Variants in RABGAP1L observed in about 807,000 individuals in gnomAD.
RABGAP1L encodes the protein rab GTPase-activating protein 1-like.
RABGAP1L carries 63 observed loss-of-function variants against 137.7 expected under a neutral mutation model. The observed-to-expected ratio is 0.46, with a 90% confidence interval of 0.37 to 0.56. RABGAP1L has a LOEUF of 0.56. Among genes scored for constraint, RABGAP1L ranks in the 20% least tolerant of loss-of-function variants. The pLI is 0.00. For synonymous variants in RABGAP1L, 431 were observed against 433.7 expected (o/e 0.99, Z 0.08); for missense variants, 1,095 against 1,244.0 (o/e 0.88, Z 1.80).
chr1:174,443,247 T>C (rs2149236726), intron 13 of RABGAP1L, among the ~76,000 whole-genome samples: 1 of 152,226 alleles, frequency 6.6e-6, no homozygotes, highest in South Asian at 2.1e-4. Context: ...AGCAGTGGGA[T>C]TGCTGGATCA....
intron 1 of RABGAP1L, among the ~76,000 whole-genome samples, chr1:174,195,785 TTTTCTTTC>T (rs201234883): frequency 3.5e-5 from 4 of 112,828 alleles, no homozygotes; most frequent in African/African-American, 1.4e-4. Context: ...CCTTTCTTTC[TTTTCTTTC>T]TTTCTTTCTT....
chr1:174,532,217 T>G (rs1041553216), intron 13 of RABGAP1L, among the ~76,000 whole-genome samples: 4 of 150,166 alleles, frequency 2.7e-5, no homozygotes, highest in East Asian at 1.9e-4. Flanking sequence ...GTTTTTTTGT[T>G]TTTTTTTTTG....
chr1:174,903,136 C>A (rs1232561338), intron 19 of RABGAP1L, among the ~76,000 whole-genome samples: 19 of 152,122 alleles, frequency 1.2e-4, no homozygotes, highest in African/African-American at 4.3e-4. Flanking sequence ...GGCAACAGAC[C>A]AATTCTTGTT....
intron 13 of RABGAP1L, among the ~76,000 whole-genome samples, chr1:174,468,018 T>C (rs1431383639): frequency 6.6e-6 from 1 of 152,118 alleles, no homozygotes; most frequent in Non-Finnish European, 1.5e-5. Context: ...GAAACCTTCT[T>C]GATTATAAGT....
At chr1:174,845,806 A>G (rs1345199285) in intron 19 of RABGAP1L, among the ~76,000 whole-genome samples, 1 of 112,324 alleles carries the variant, frequency 8.9e-6, no homozygotes, top group Non-Finnish European at 1.8e-5. Flanking sequence ...GAATGGTACC[A>G]GTTCCTCCTT....
rs1269217846 is a variant in RABGAP1L at position 174,844,170 on chromosome 1, A to G, written c.2340+32210A>G. Among the ~76,000 whole-genome samples, 10 of 139,776 alleles carry G rather than the reference A, an allele frequency of 7.2e-5. No homozygotes were observed. In the East Asian group the frequency reaches 2.2e-3, roughly 31 times the overall value. 91.7% of individuals were successfully genotyped at this position (139,776 alleles called of 152,430 possible). On this transcript the variant is annotated intron_variant, in intron 19 of 25. Coordinates refer to ENST00000681986, the MANE Select transcript of RABGAP1L (RefSeq NM_001366446.1). Reference sequence around the variant, plus strand: ...TTGCGAAAATTTTCTCCCATGTTGTAGGTTGCCTGTTCACTCTGATGGTAG... The same window carrying G: ...TTGCGAAAATTTTCTCCCATGTTGTGGGTTGCCTGTTCACTCTGATGGTAG...
intron 19 of RABGAP1L, among the ~76,000 whole-genome samples, chr1:174,836,410 A>G (rs1692758295): frequency 6.6e-6 from 1 of 152,082 alleles, no homozygotes; most frequent in Non-Finnish European, 1.5e-5. Context: ...ATTTCTTTCC[A>G]CCTGCTAATA....
rs59164898 is a variant in RABGAP1L at position 174,605,152 on chromosome 1, A to AAAAC, written c.1711-32198_1711-32195dup. The stretch of plus-strand genomic sequence containing the variant: ...TGAGACCCTGTCTCAAAACCAAACC[A>AAAAC]AAACAAACAAACAAACAAACAAACA... On this transcript the variant is annotated intron_variant, in intron 13 of 25. Transcript: ENST00000681986. Among the ~76,000 whole-genome samples the AAAAC allele has an allele frequency of 3.5e-3, 532 of 151,772 alleles. 5 individuals carry two copies. The highest frequency in any genetic ancestry group is 0.012 in the East Asian group (60 of 5,180).
At chr1:174,561,144 A>T (rs1224566348) in intron 13 of RABGAP1L, among the ~76,000 whole-genome samples, 1 of 152,194 alleles carries the variant, frequency 6.6e-6, no homozygotes, top group Non-Finnish European at 1.5e-5. Context: ...AAATCTCCTT[A>T]AGCTGATAAG....
At chr1:174,968,590 G>A (rs1415102727) in intron 20 of RABGAP1L, among the ~76,000 whole-genome samples, 1 of 151,202 alleles carries the variant, frequency 6.6e-6, no homozygotes, top group Non-Finnish European at 1.5e-5. Context: ...ATTTTTCAAG[G>A]TTGGGAGCAG....
intron 19 of RABGAP1L, among the ~76,000 whole-genome samples, chr1:174,840,862 C>G (rs1693319395): frequency 6.7e-6 from 1 of 148,528 alleles, no homozygotes; most frequent in Admixed American, 6.7e-5. Flanking sequence ...GTAATAGACT[C>G]AATGAGGAAT....
At position 174,832,257 on chromosome 1, in the gene RABGAP1L, C is replaced by T; in HGVS notation, c.2340+20297C>T. Among the ~76,000 whole-genome samples the T allele has an allele frequency of 1.4e-5, 2 of 145,526 alleles. 1 individual carries two copies. The highest frequency in any genetic ancestry group is 3.0e-5 in the Non-Finnish European group (2 of 65,868). On this transcript the variant is annotated intron_variant, in intron 19 of 25. Coordinates refer to ENST00000681986, the MANE Select transcript of RABGAP1L (RefSeq NM_001366446.1). ...GCAGTGAGCCGAGATCGTGCCACTA[C>T]ATTCCAGCCTGGGCGATAGAGCAAG...
At chr1:174,952,349 A>AAG (rs1667839023) in intron 19 of RABGAP1L, among the ~76,000 whole-genome samples, 1 of 148,830 alleles carries the variant, frequency 6.7e-6, no homozygotes, top group Non-Finnish European at 1.5e-5. Flanking sequence ...CAAAAAAAAA[A>AAG]AAAAAAAAAA....
intron 13 of RABGAP1L, among the ~76,000 whole-genome samples, chr1:174,468,648 A>G (rs532584412): frequency 1.3e-3 from 200 of 152,336 alleles, no homozygotes; most frequent in South Asian, 3.5e-3. Context: ...TGAGCATTAT[A>G]TCCCTAAAGA....
chr1:174,281,456 A>G (rs774167557), intron 10 of RABGAP1L, among the ~76,000 whole-genome samples: 1 of 152,216 alleles, frequency 6.6e-6, no homozygotes, highest in Non-Finnish European at 1.5e-5. Flanking sequence ...TTAGCTAGAC[A>G]GAGTGCTGAT....
chr1:174,269,377 A>T (rs540155122), intron 7 of RABGAP1L, among the ~76,000 whole-genome samples: 1 of 152,366 alleles, frequency 6.6e-6, no homozygotes, highest in South Asian at 2.1e-4. Flanking sequence ...GGGAGCTTAT[A>T]GTCTTTTACT....
intron 10 of RABGAP1L, among the ~76,000 whole-genome samples, chr1:174,302,477 G>T (rs1336291271): frequency 6.6e-6 from 1 of 152,220 alleles, no homozygotes; most frequent in African/African-American, 2.4e-5. Flanking sequence ...ATGGTAAAAA[G>T]ACATGAAATG....
At chr1:174,638,835 A>G (rs1158460902) in intron 14 of RABGAP1L, among the ~76,000 whole-genome samples, 81 of 143,600 alleles carry the variant, frequency 5.6e-4, no homozygotes, top group African/African-American at 1.8e-3. Flanking sequence ...GAATTGAACA[A>G]TGAGATCACA....
intron 19 of RABGAP1L, among the ~76,000 whole-genome samples, chr1:174,931,532 C>G (rs1321318053): frequency 6.6e-6 from 1 of 152,050 alleles, no homozygotes. Flanking sequence ...AGGGAAGAAA[C>G]AGTTATTGTC....
Sources: gnomAD v4.1 joint callset for allele counts (sites outside exome capture counted in the v4.1 genomes callset) on GRCh38, gnomAD v4.1.1 for gene constraint, MANE v1.5 for transcripts, NCBI Gene and HGNC (gene_info 2026-07-23, HGNC 2026-07-21) for gene names.